The following SLC39A8 variants were observed in gnomAD, a reference collection of about 807,000 sequenced individuals.
SLC39A8 encodes the protein metal cation symporter ZIP8.
SLC39A8 carries 15 observed loss-of-function variants against 40.4 expected under a neutral mutation model. The ratio of observed to expected loss-of-function variants is 0.37; its 90% CI spans 0.25 to 0.57. The LOEUF (loss-of-function observed/expected upper bound fraction) is 0.57, where lower values mean the gene tolerates loss of function less well. Among genes scored for constraint, SLC39A8 ranks in the 20% least tolerant of loss-of-function variants. The pLI is 0.75. For synonymous variants in SLC39A8, 223 were observed against 221.6 expected (o/e 1.01, Z -0.06); for missense variants, 472 against 558.8 (o/e 0.84, Z 1.57).
exon 12 of SLC39A8, chr4:102,251,553 T>A (rs1731592259): frequency 6.6e-6 from 1 of 152,144 alleles, no homozygotes; most frequent in African/African-American, 2.4e-5. Flanking sequence ...TAAGACAGGT[T>A]AACGGGAGAA....
At chr4:102,325,942 C>T (rs72926715) in intron 2 of SLC39A8, among the ~76,000 whole-genome samples, 3,149 of 152,250 alleles carry the variant, frequency 0.021, 100 homozygotes, top group African/African-American at 0.071. Flanking sequence ...CCCAGCCCTA[C>T]CCCATTCCAT....
At chr4:102,300,224 C>T (rs575937318) in intron 6 of SLC39A8, among the ~76,000 whole-genome samples, 20 of 152,042 alleles carry the variant, frequency 1.3e-4, no homozygotes, top group African/African-American at 4.1e-4. Context: ...CAAATCATTT[C>T]GTCTAAATAT....
intron 6 of SLC39A8, among the ~76,000 whole-genome samples, chr4:102,288,069 T>C (rs1418274077): frequency 6.6e-6 from 1 of 152,178 alleles, no homozygotes; most frequent in Non-Finnish European, 1.5e-5. Context: ...CTTCACTTTA[T>C]TGTGCTTCTC....
chr4:102,262,118 C>T lies in SLC39A8; in HGVS notation c.*926G>A, dbSNP rs1005560070. 3.0e-6 allele frequency: 3 copies of T among 985,780 alleles called. No homozygotes were observed. Among genetic ancestry groups the T allele is most frequent in the Admixed American group, 6.1e-5 (1 of 16,274 alleles). The allele number at this position is 985,780 out of a possible 1,614,324, so 61.1% of individuals were successfully genotyped here. On this transcript the variant is annotated 3_prime_UTR_variant, in exon 9 of 9. Coordinates refer to ENST00000356736, the MANE Select transcript of SLC39A8 (RefSeq NM_001135146.2). ...AATCTGTCCTTGATGTACAGCAGTCCAGCTGTTGTTTTGCATTTATTAAAA... is the reference window on the plus strand; with the variant it reads ...AATCTGTCCTTGATGTACAGCAGTCTAGCTGTTGTTTTGCATTTATTAAAA...
intron 2 of SLC39A8, among the ~76,000 whole-genome samples, chr4:102,338,561 T>A (rs573762025): frequency 6.6e-6 from 1 of 152,352 alleles, no homozygotes; most frequent in Admixed American, 6.5e-5. Flanking sequence ...ACAGCTCTAG[T>A]ACCATTTCCT....
At chr4:102,272,722 G>A (rs1287006575) in intron 6 of SLC39A8, among the ~76,000 whole-genome samples, 1 of 152,136 alleles carries the variant, frequency 6.6e-6, no homozygotes, top group Non-Finnish European at 1.5e-5. Context: ...AACGCAGAAG[G>A]TAGGTGATTT....
chr4:102,294,606 T>C (rs1305293084), intron 6 of SLC39A8, among the ~76,000 whole-genome samples: 3 of 152,046 alleles, frequency 2.0e-5, no homozygotes, highest in Non-Finnish European at 4.4e-5. Context: ...TGGCTATAAA[T>C]GCCAACCTGT....
chr4:102,336,739 T>C (rs1391731700), intron 2 of SLC39A8, among the ~76,000 whole-genome samples: 1 of 152,214 alleles, frequency 6.6e-6, no homozygotes, highest in Non-Finnish European at 1.5e-5. Context: ...CCATTCTGAA[T>C]GTTTTCTATG....
chr4:102,275,282 AAAAAC>A lies in SLC39A8; in HGVS notation c.841-7208_841-7204del, dbSNP rs1322890894. On this transcript the variant is annotated intron_variant, in intron 6 of 8. Transcript: ENST00000356736. ...ATTTACCAAGCAAATGGAAAGCAAA[AAAAAC>A]AAAAACAAAAACAAAAACAAAACAA... is the stretch of plus-strand genomic sequence containing the variant. Among the ~76,000 whole-genome samples, 12 of 55,126 alleles carry A rather than the reference AAAAAC, an allele frequency of 2.2e-4. 1 individual carries two copies. In the South Asian group the frequency reaches 8.9e-3, roughly 41 times the overall value. 36.2% of individuals were successfully genotyped at this position (55,126 alleles called of 152,430 possible). A position where few individuals can be genotyped will look rare whatever the true frequency, so the allele number is the denominator to read the frequency against.
chr4:102,334,673 T>C (rs949901303), intron 2 of SLC39A8, among the ~76,000 whole-genome samples: 1 of 152,208 alleles, frequency 6.6e-6, no homozygotes, highest in African/African-American at 2.4e-5. Context: ...GGCACTTGGA[T>C]GACACAAGAG....
At position 102,267,259 on chromosome 4, in the gene SLC39A8, AC is replaced by A. The variant is rs74650330; in HGVS notation, c.1233+230del. ...TATTTCAGCAAAAACAAATCATTTC[AC>A]CTTCAAACAATACGATTATGTTTTA... On this transcript the variant is annotated intron_variant, in intron 8 of 8. Transcript: ENST00000356736. Among the ~76,000 whole-genome samples, 25,530 of 152,132 alleles carry A rather than the reference AC, an allele frequency of 0.17. 2,380 individuals are homozygous for A. The highest frequency in any genetic ancestry group is 0.34 in the South Asian group (1,651 of 4,826).
intron 2 of SLC39A8, among the ~76,000 whole-genome samples, chr4:102,320,563 T>C (rs1734919563): frequency 1.5e-4 from 1 of 6,662 alleles, no homozygotes; most frequent in Admixed American, 2.4e-3. Context: ...TATATGAGAA[T>C]ATATATATGA....
At chr4:102,295,139 TTATA>T (rs948715931) in intron 6 of SLC39A8, among the ~76,000 whole-genome samples, 2 of 148,030 alleles carry the variant, frequency 1.4e-5, no homozygotes, top group African/African-American at 4.9e-5. Flanking sequence ...ATATAAAACT[TTATA>T]TATGTGTTTA....
chr4:102,261,249 G>A (rs1476863871), downstream of SLC39A8, among the ~76,000 whole-genome samples: 2 of 152,236 alleles, frequency 1.3e-5, no homozygotes, highest in East Asian at 3.8e-4. Flanking sequence ...CCAGAGCATG[G>A]AGGACAGACT....
At chr4:102,313,280 G>T (rs1443563159) in intron 3 of SLC39A8, among the ~76,000 whole-genome samples, 2 of 152,006 alleles carry the variant, frequency 1.3e-5, no homozygotes, top group African/African-American at 4.8e-5. Flanking sequence ...TGTTTTCTTG[G>T]CTGTAAAATG....
intron 1 of SLC39A8, 98 bp from the exon 2 acceptor site, chr4:102,345,013 C>T (rs772683137): frequency 4.6e-5 from 35 of 753,712 alleles, no homozygotes; most frequent in African/African-American, 9.2e-5. Context: ...CTCAAACGCC[C>T]GGCCGGGCAT....
At chr4:102,281,977 T>G (rs1049992071) in intron 6 of SLC39A8, among the ~76,000 whole-genome samples, 3 of 152,222 alleles carry the variant, frequency 2.0e-5, no homozygotes, top group Non-Finnish European at 4.4e-5. Flanking sequence ...CTCACTATGC[T>G]CCTGGTACTG....
In SLC39A8 at chr4:102,268,112, A is replaced by T. The variant is rs763069595; in HGVS notation, c.841-33T>A. 2.5e-6 allele frequency: 4 copies of T among 1,607,748 alleles called. No individual in the cohort carries two copies. The South Asian group carries it at 4.4e-5, about 18-fold the overall frequency. The stretch of plus-strand genomic sequence containing the variant: ...AAAATCAATTAAAATGATAACCAAC[A>T]TTTCTTGAAAGTCTCAGAAATACAG... On this transcript the variant is annotated intron_variant, in intron 6 of 8. Coordinates refer to ENST00000356736, the MANE Select transcript of SLC39A8 (RefSeq NM_001135146.2).
chr4:102,274,536 T>C (rs1273400739), intron 6 of SLC39A8, among the ~76,000 whole-genome samples: 1 of 152,234 alleles, frequency 6.6e-6, no homozygotes, highest in Non-Finnish European at 1.5e-5. Flanking sequence ...CTTCAGGATA[T>C]TATCCAGGAG....
Sources: allele counts gnomAD v4.1 joint callset (sites outside exome capture counted in the v4.1 genomes callset), GRCh38; gene constraint gnomAD v4.1.1; transcripts MANE v1.5; gene names NCBI Gene and HGNC (gene_info 2026-07-23, HGNC 2026-07-21).